Variants in EGFLAM observed in about 807,000 individuals in gnomAD.
The protein encoded by EGFLAM is EGF like, fibronectin type III and laminin G domains, also known as pikachurin.
Under a neutral mutation model 113.1 loss-of-function variants are expected in EGFLAM, and 79 were observed. That is an observed-to-expected ratio of 0.70 (90% CI 0.58 to 0.84). The LOEUF (loss-of-function observed/expected upper bound fraction) is 0.84. EGFLAM is among the 40% of genes least tolerant of loss of function. EGFLAM has a pLI of 0.00. For synonymous variants in EGFLAM, 504 were observed against 487.6 expected, an observed-to-expected ratio of 1.03 and a Z score of -0.44; for missense variants, 1,265 against 1,291.6, an observed-to-expected ratio of 0.98 and a Z score of 0.32.
chr5:38,320,217 A>G (rs1468823996), intron 1 of EGFLAM, among the ~76,000 whole-genome samples: 2 of 152,224 alleles, frequency 1.3e-5, no homozygotes, highest in Non-Finnish European at 2.9e-5. Flanking sequence ...TTTTCCCATC[A>G]TTAAAATCTG....
At position 38,430,104 on chromosome 5, in the gene EGFLAM, C is replaced by T. The variant is rs747636632; in HGVS notation, c.2055-1073C>T. 3.8e-4 allele frequency: 86 copies of T among 228,568 alleles called. 1 individual carries two copies. The highest frequency in any genetic ancestry group is 1.8e-4 in the Non-Finnish European group (20 of 109,034). 14.2% of individuals were successfully genotyped at this position (228,568 alleles called of 1,614,324 possible). A position where few individuals can be genotyped will look rare whatever the true frequency, so the allele number is the denominator to read the frequency against. On this transcript the variant is annotated intron_variant, in intron 14 of 21. Transcript: ENST00000322350. ...GTTCTTCACGATGACAGCTTTGCGT[C>T]GGAGTAGCATCTGGCCAGGACCACC...
intron 1 of EGFLAM, among the ~76,000 whole-genome samples, chr5:38,296,160 G>A (rs996961937): frequency 1.3e-5 from 2 of 152,138 alleles, no homozygotes; most frequent in Non-Finnish European, 2.9e-5. Context: ...GGTCCATAGG[G>A]TATTGATGGG....
chr5:38,362,197 G>C (rs901973485), intron 5 of EGFLAM, among the ~76,000 whole-genome samples: 2 of 152,152 alleles, frequency 1.3e-5, no homozygotes, highest in Middle Eastern at 3.2e-3. Flanking sequence ...CATCATAAAA[G>C]TAATCTCAAG....
chr5:38,338,956 ATC>A (rs1425319346), intron 3 of EGFLAM, among the ~76,000 whole-genome samples, 175 bp downstream of exon 3: 1 of 152,196 alleles, frequency 6.6e-6, no homozygotes, highest in Non-Finnish European at 1.5e-5. Flanking sequence ...TGCCATCTAC[ATC>A]TCTGGAAAAC....
In EGFLAM at chr5:38,438,420, G is replaced by C; in HGVS notation, c.2429G>C (p.Cys810Ser). 6.2e-7 allele frequency: 1 copy of C among 1,612,670 alleles called. No individual in the cohort carries two copies. The part of the protein sequence containing the change: ...RPRKEGYDCD[C>S]PLGFEGLHCQ... ...AGGAAGGAGGGCTATGACTGTGACT[G>C]CCCCTTGGGCTTTGAGGGGCTTCAC... Residue 810 changes from cysteine to serine, a missense_variant, in exon 17 of 22, where the codon TGC (cysteine) becomes TCC (serine). Physicochemically the swap from Cys to Ser is moderately radical, Grantham distance 112. Transcript: ENST00000322350.
chr5:38,395,149 A>G (rs1179741331), intron 6 of EGFLAM, among the ~76,000 whole-genome samples: 1 of 151,432 alleles, frequency 6.6e-6, no homozygotes, highest in African/African-American at 2.4e-5. Flanking sequence ...CATGTTGGTC[A>G]GGCTGGTCTT....
At chr5:38,365,234 T>C (rs1740028600) in intron 5 of EGFLAM, among the ~76,000 whole-genome samples, 1 of 152,198 alleles carries the variant, frequency 6.6e-6, no homozygotes, top group African/African-American at 2.4e-5. Flanking sequence ...TGAAATAGAA[T>C]AGAAAAGAGA....
intron 6 of EGFLAM, among the ~76,000 whole-genome samples, chr5:38,396,065 A>G (rs1157434145): frequency 5.0e-5 from 5 of 99,996 alleles, no homozygotes; most frequent in African/African-American, 1.5e-4. Context: ...CCACTCTTTA[A>G]AAGCCTCCTA....
intron 14 of EGFLAM, among the ~76,000 whole-genome samples, chr5:38,429,309 C>T (rs576798837): frequency 6.6e-6 from 1 of 152,322 alleles, no homozygotes; most frequent in East Asian, 1.9e-4. Context: ...CTGCTTATTT[C>T]TTTATTGCAT....
chr5:38,431,049 C>G, intron 14 of EGFLAM, 128 bp from the exon 15 acceptor site: 1 of 771,694 alleles, frequency 1.3e-6, no homozygotes, highest in African/African-American at 1.7e-5. Flanking sequence ...TTTACTGATT[C>G]AGATGCTCAT....
At chr5:38,384,323 C>G (rs1297953395) in intron 6 of EGFLAM, among the ~76,000 whole-genome samples, 1 of 152,170 alleles carries the variant, frequency 6.6e-6, no homozygotes, top group African/African-American at 2.4e-5. Flanking sequence ...TTACAGTCAT[C>G]TGGGACTCTC....
At position 38,259,994 on chromosome 5, in the gene EGFLAM, G is replaced by A. The variant is rs116666809; in HGVS notation, c.97+1143G>A. 4.4e-3 allele frequency among the ~76,000 whole-genome samples: 666 copies of A among 152,312 alleles called. 8 individuals carry two copies. Among genetic ancestry groups the A allele is most frequent in the African/African-American group, 0.015 (632 of 41,548 alleles). ...TGGAAGCGTCCTCAGTCTTTGCACT[G>A]TGTCTCTTATTACCAGCACTTGTTA... On this transcript the variant is annotated intron_variant, in intron 1 of 21. Coordinates refer to ENST00000322350, the MANE Select transcript of EGFLAM (RefSeq NM_152403.4).
At chr5:38,406,702 C>A in intron 7 of EGFLAM, 126 bp from the exon 8 acceptor site, 1 of 833,960 alleles carries the variant, frequency 1.2e-6, no homozygotes. Flanking sequence ...TGCTGTCTTC[C>A]CCATCTCCAT....
At chr5:38,410,497 A>G (rs1741443515) in intron 10 of EGFLAM, among the ~76,000 whole-genome samples, 2 of 152,158 alleles carry the variant, frequency 1.3e-5, no homozygotes, top group Admixed American at 6.5e-5. Context: ...TCTCGAGACA[A>G]AGGGAGGGCC....
At chr5:38,385,282 C>T (rs797022351) in intron 6 of EGFLAM, among the ~76,000 whole-genome samples, 48 of 103,004 alleles carry the variant, frequency 4.7e-4, no homozygotes, top group Non-Finnish European at 7.1e-4. Flanking sequence ...CCACCCACCC[C>T]CCCCCCCCGC....
At chr5:38,308,503 AT>A (rs879714612) in intron 1 of EGFLAM, among the ~76,000 whole-genome samples, 4 of 152,028 alleles carry the variant, frequency 2.6e-5, no homozygotes, top group African/African-American at 7.2e-5. Flanking sequence ...TGGCTTTGGC[AT>A]TTTTTTTCCT....
intron 5 of EGFLAM, among the ~76,000 whole-genome samples, chr5:38,353,064 G>A (rs561053897): frequency 1.2e-4 from 18 of 152,278 alleles, no homozygotes; most frequent in East Asian, 9.6e-4. Flanking sequence ...TTTCTTTCAC[G>A]TCCGTATTGC....
At chr5:38,365,908 T>C (rs1343294308) in intron 5 of EGFLAM, among the ~76,000 whole-genome samples, 1 of 152,108 alleles carries the variant, frequency 6.6e-6, no homozygotes, top group African/African-American at 2.4e-5. Flanking sequence ...CCACCCAGTT[T>C]TGCTTTAATA....
At position 38,431,642 on chromosome 5, in the gene EGFLAM, G is replaced by C. The variant is rs113427803; in HGVS notation, c.2166+354G>C. Among the ~76,000 whole-genome samples the C allele has an allele frequency of 9.0e-3, 1,369 of 152,220 alleles. 25 individuals carry two copies. Among genetic ancestry groups the C allele is most frequent in the African/African-American group, 0.032 (1,321 of 41,522 alleles). On this transcript the variant is annotated intron_variant, in intron 15 of 21. Coordinates refer to ENST00000322350, the MANE Select transcript of EGFLAM (RefSeq NM_152403.4). ...CATGGACTCTGGGGTAGGGCCTGTGGTGCATGGGGGAGGCCTGACAAGAAC... is the reference window on the plus strand; with the variant it reads ...CATGGACTCTGGGGTAGGGCCTGTGCTGCATGGGGGAGGCCTGACAAGAAC...
Sources: gnomAD v4.1 joint callset for allele counts (sites outside exome capture counted in the v4.1 genomes callset) on GRCh38, gnomAD v4.1.1 for gene constraint, MANE v1.5 for transcripts, NCBI Gene and HGNC (gene_info 2026-07-23, HGNC 2026-07-21) for gene names.